Variants in RIT2 observed in about 807,000 individuals in gnomAD.
The protein encoded by RIT2 is GTP-binding protein Rit2.
RIT2 carries 24 observed loss-of-function variants against 23.7 expected under a neutral mutation model. That is an observed-to-expected ratio of 1.01 (90% CI 0.73 to 1.43). The LOEUF is 1.43. RIT2 is among the 40% of genes most tolerant of loss of function. The pLI, the probability that RIT2 is intolerant of heterozygous loss-of-function variation, is 0.00. For synonymous variants in RIT2, 107 were observed against 91.1 expected, an observed-to-expected ratio of 1.17 and a Z score of -0.99; for missense variants, 236 against 266.9, an observed-to-expected ratio of 0.88 and a Z score of 0.81.
At chr18:42,760,395 T>A (rs1487038019) in intron 4 of RIT2, among the ~76,000 whole-genome samples, 1 of 152,172 alleles carries the variant, frequency 6.6e-6, no homozygotes, top group Non-Finnish European at 1.5e-5. Flanking sequence ...CATTTCTAAG[T>A]CAGTGACACC....
intron 2 of RIT2, among the ~76,000 whole-genome samples, chr18:43,010,761 A>C (rs1183122980): frequency 6.6e-6 from 1 of 151,824 alleles, no homozygotes; most frequent in Non-Finnish European, 1.5e-5. Context: ...CTAGGTCATG[A>C]CTAATTTTTA....
chr18:42,865,672 T>A (rs1907450786), intron 4 of RIT2, among the ~76,000 whole-genome samples: 1 of 152,182 alleles, frequency 6.6e-6, no homozygotes, highest in Non-Finnish European at 1.5e-5. Context: ...TTCAGTTTTA[T>A]GAACTTCAGA....
chr18:42,849,919 A>G (rs560708588), intron 4 of RIT2, among the ~76,000 whole-genome samples: 1 of 152,294 alleles, frequency 6.6e-6, no homozygotes, highest in South Asian at 2.1e-4. Context: ...TCATCTATAT[A>G]ATTAGGACTA....
chr18:42,923,302 A>G, intron 4 of RIT2: 1 of 319,354 alleles, frequency 3.1e-6, no homozygotes, highest in Non-Finnish European at 5.7e-6. Context: ...TTCAGAAGTC[A>G]ACAAGAATCA....
At chr18:43,080,243 C>G (rs1913124925) in intron 1 of RIT2, among the ~76,000 whole-genome samples, 1 of 152,202 alleles carries the variant, frequency 6.6e-6, no homozygotes, top group African/African-American at 2.4e-5. Context: ...ATCAACCCTG[C>G]AAAGGCAGGC....
chr18:42,797,694 T>C (rs911189656), intron 4 of RIT2, among the ~76,000 whole-genome samples: 2 of 152,084 alleles, frequency 1.3e-5, no homozygotes, highest in African/African-American at 4.8e-5. Context: ...TCAAAATATG[T>C]TTTCCTCATT....
intron 1 of RIT2, among the ~76,000 whole-genome samples, chr18:43,040,822 C>A (rs1483702775): frequency 1.3e-5 from 2 of 149,352 alleles, no homozygotes; most frequent in Non-Finnish European, 3.0e-5. Flanking sequence ...CTTTCCCCCC[C>A]AAAAAAAAAT....
At chr18:42,867,582 T>G (rs1274609711) in intron 4 of RIT2, among the ~76,000 whole-genome samples, 1 of 151,238 alleles carries the variant, frequency 6.6e-6, no homozygotes, top group Non-Finnish European at 1.5e-5. Flanking sequence ...GTCCAGGAGT[T>G]GGAGACCAGC....
chr18:42,913,813 G>A (rs1300034942), intron 4 of RIT2, among the ~76,000 whole-genome samples: 2 of 151,908 alleles, frequency 1.3e-5, no homozygotes, highest in African/African-American at 4.8e-5. Context: ...TTATAACAAT[G>A]TGCAATTCCT....
chr18:42,800,631 G>A (rs1320682939), intron 4 of RIT2, among the ~76,000 whole-genome samples: 4 of 150,972 alleles, frequency 2.6e-5, no homozygotes, highest in African/African-American at 7.3e-5. Flanking sequence ...CCGGGTTCAC[G>A]CCATTCTCCT....
intron 1 of RIT2, among the ~76,000 whole-genome samples, chr18:43,079,209 A>C (rs2144345581): frequency 6.6e-6 from 1 of 152,328 alleles, no homozygotes; most frequent in East Asian, 1.9e-4. Flanking sequence ...AACTAAAATC[A>C]CAAAGCTTGT....
At chr18:42,983,603 T>A (rs145573057) in intron 2 of RIT2, among the ~76,000 whole-genome samples, 1 of 152,068 alleles carries the variant, frequency 6.6e-6, no homozygotes, top group African/African-American at 2.4e-5. Flanking sequence ...ATCACATATT[T>A]GACAAAAAAC....
At chr18:43,090,476 C>T (rs1234168508) in intron 1 of RIT2, among the ~76,000 whole-genome samples, 5 of 152,018 alleles carry the variant, frequency 3.3e-5, no homozygotes, top group African/African-American at 1.2e-4. Flanking sequence ...CTTCAAAGAC[C>T]TAAACATAAG....
chr18:42,828,017 A>G (rs1291536175), intron 4 of RIT2, among the ~76,000 whole-genome samples: 2 of 151,230 alleles, frequency 1.3e-5, no homozygotes, highest in Non-Finnish European at 3.0e-5. Flanking sequence ...AAAAAAAAAA[A>G]AAAAAAAAAA....
intron 4 of RIT2, among the ~76,000 whole-genome samples, chr18:42,837,161 T>TTTTTTTTTTTTTTTTTTTTTTTTTTTG (rs1906634593): frequency 1.1e-5 from 1 of 92,724 alleles, no homozygotes; most frequent in African/African-American, 5.7e-5. Flanking sequence ...TTCTTTTTTT[T>TTTTTTTTTTTTTTTTTTTTTTTTTTTG]TTTTTTTTTT....
chr18:42,867,572 G>A (rs547066149), intron 4 of RIT2, among the ~76,000 whole-genome samples: 2 of 151,744 alleles, frequency 1.3e-5, no homozygotes, highest in African/African-American at 4.8e-5. Flanking sequence ...GATTGCTTGA[G>A]TCCAGGAGTT....
At chr18:42,891,916 A>G (rs1259413387) in intron 4 of RIT2, among the ~76,000 whole-genome samples, 2 of 152,178 alleles carry the variant, frequency 1.3e-5, no homozygotes, top group Admixed American at 1.3e-4. Context: ...GTGTCAATGT[A>G]GATTTATTGA....
intron 4 of RIT2, among the ~76,000 whole-genome samples, chr18:42,815,261 G>A (rs1165000774): frequency 6.6e-6 from 1 of 152,106 alleles, no homozygotes; most frequent in Non-Finnish European, 1.5e-5. Flanking sequence ...GAAACAGATA[G>A]CATCAATAAA....
intron 2 of RIT2, among the ~76,000 whole-genome samples, chr18:43,006,787 A>G (rs1440895813): frequency 6.6e-6 from 1 of 151,664 alleles, no homozygotes; most frequent in Non-Finnish European, 1.5e-5. Flanking sequence ...GCAAATATTA[A>G]AAACTATAAT....
Sources: gnomAD v4.1 joint callset for allele counts (sites outside exome capture counted in the v4.1 genomes callset) on GRCh38, gnomAD v4.1.1 for gene constraint, MANE v1.5 for transcripts, NCBI Gene and HGNC (gene_info 2026-07-23, HGNC 2026-07-21) for gene names.